DPY19L2: variants seen among roughly 807,000 people sequenced by gnomAD.
DPY19L2 encodes dpy-19 like 2.
Under a neutral mutation model 97.9 loss-of-function variants are expected in DPY19L2, and 34 were observed. The observed-to-expected ratio is 0.35, with a 90% confidence interval of 0.26 to 0.46. DPY19L2 has a LOEUF of 0.46. DPY19L2 is among the 20% of genes least tolerant of loss of function. The pLI is 1.00. For synonymous variants in DPY19L2, 230 were observed against 307.9 expected, an observed-to-expected ratio of 0.75 and a Z score of 2.65; for missense variants, 623 against 911.4, an observed-to-expected ratio of 0.68 and a Z score of 4.07.
Position 63,560,733 on chromosome 12 carries a change from T to C in DPY19L2, c.2127-71A>G, listed in dbSNP as rs1876327921. The C allele has an allele frequency of 2.0e-5, 31 of 1,530,566 alleles. No homozygotes were observed. In the Middle Eastern group the frequency reaches 5.2e-4, roughly 26 times the overall value. The allele number at this position is 1,530,566 out of a possible 1,614,324, so 94.8% of individuals were successfully genotyped here. A position where few individuals can be genotyped will look rare whatever the true frequency, so the allele number is the denominator to read the frequency against. On this transcript the variant is annotated intron_variant, in intron 21 of 21. Transcript: ENST00000324472. The stretch of plus-strand genomic sequence containing the variant: ...GTCTAGAGACAATAGATACATAACA[T>C]CTAGATTTTCAGAGACAAATTTATT...
At chr12:63,618,767 G>A (rs1415884288) in intron 9 of DPY19L2, among the ~76,000 whole-genome samples, 2 of 152,102 alleles carry the variant, frequency 1.3e-5, no homozygotes, top group East Asian at 3.9e-4. Context: ...AGATTTATCA[G>A]TGCTTTTTAC....
At chr12:63,654,943 C>A (rs904396629) in intron 4 of DPY19L2, among the ~76,000 whole-genome samples, 1 of 152,064 alleles carries the variant, frequency 6.6e-6, no homozygotes, top group African/African-American at 2.4e-5. Flanking sequence ...TCAACTAATT[C>A]TTTTAGTTGA....
intron 4 of DPY19L2, among the ~76,000 whole-genome samples, chr12:63,649,461 C>T (rs1217324196): frequency 9.9e-5 from 15 of 151,836 alleles, no homozygotes; most frequent in Non-Finnish European, 1.2e-4. Flanking sequence ...AGAGAGAAGA[C>T]CCAAATAAAC....
chr12:63,632,906 T>C (rs1431970960), intron 6 of DPY19L2, among the ~76,000 whole-genome samples: 1 of 152,040 alleles, frequency 6.6e-6, no homozygotes, highest in East Asian at 1.9e-4. Context: ...TCAGAAATAA[T>C]GCTGCATATC....
chr12:63,644,890 C>T (rs1893195264), intron 5 of DPY19L2, among the ~76,000 whole-genome samples: 1 of 151,998 alleles, frequency 6.6e-6, no homozygotes, highest in Non-Finnish European at 1.5e-5. Context: ...TGTTCAGTGT[C>T]TGGAACTGTC....
At chr12:63,634,162 A>C (rs1293723314) in intron 6 of DPY19L2, among the ~76,000 whole-genome samples, 1 of 152,162 alleles carries the variant, frequency 6.6e-6, no homozygotes, top group Non-Finnish European at 1.5e-5. Context: ...ATGCATACAT[A>C]TGTAACTAAC....
chr12:63,578,137 A>C (rs997122713), intron 19 of DPY19L2, among the ~76,000 whole-genome samples: 1 of 151,892 alleles, frequency 6.6e-6, no homozygotes, highest in Non-Finnish European at 1.5e-5. Context: ...AACCTGTCAT[A>C]AAAAAAGAAT....
chr12:63,618,070 C>T (rs1032652274), intron 10 of DPY19L2, 81 bp downstream of exon 10: 336 of 1,349,736 alleles, frequency 2.5e-4, no homozygotes, highest in African/African-American at 3.6e-4. Context: ...GAGGAGGTAC[C>T]GTATAAAACA....
Position 63,580,645 on chromosome 12 carries a change from A to G in DPY19L2, c.1900+17T>C. The G allele has an allele frequency of 6.3e-7, 1 of 1,588,738 alleles. No individual in the cohort carries two copies. The highest frequency in any genetic ancestry group is 8.5e-7 in the Non-Finnish European group (1 of 1,170,730). ...TATGTTTGTATAAAACTAGCATATA[A>G]CCAAATACCTACACACCTGATGTGG... On this transcript the variant is annotated intron_variant, in intron 19 of 21. Coordinates refer to ENST00000324472, the MANE Select transcript of DPY19L2 (RefSeq NM_173812.5).
intron 18 of DPY19L2, 119 bp from the exon 19 acceptor site, chr12:63,580,955 T>G (rs1435529031): frequency 3.0e-6 from 3 of 1,012,690 alleles, no homozygotes; most frequent in South Asian, 3.6e-5. Flanking sequence ...TCAGCACACA[T>G]GTATACAGAA....
chr12:63,619,961 T>C (rs2137787526), intron 9 of DPY19L2: 2 of 455,968 alleles, frequency 4.4e-6, no homozygotes, highest in Middle Eastern at 6.5e-4. Context: ...GGCCAACTTT[T>C]ATGAAGTTAA....
chr12:63,593,233 G>A (rs1278181046), intron 16 of DPY19L2, among the ~76,000 whole-genome samples: 4 of 152,166 alleles, frequency 2.6e-5, no homozygotes, highest in East Asian at 1.9e-4. Context: ...TCAGTGTGGC[G>A]ATTCCTCAAA....
At chr12:63,628,921 T>C (rs1275857663) in intron 6 of DPY19L2, among the ~76,000 whole-genome samples, 5 of 151,710 alleles carry the variant, frequency 3.3e-5, no homozygotes, top group Admixed American at 3.3e-4. Context: ...TATCCACTGC[T>C]CTGCAGCATC....
chr12:63,594,078 T>TA lies in DPY19L2; in HGVS notation c.1580+8dup, dbSNP rs1367421407. ...CTGTATGTTTTAAAAACAATGATGA[T>TA]ATAATTACCTTAGATAAATGTTTGT... On this transcript the variant is annotated intron_variant, in intron 16 of 21. Transcript: ENST00000324472. 3 of 1,492,240 alleles carry TA rather than the reference T, an allele frequency of 2.0e-6. No homozygotes were observed. In the African/African-American group the frequency reaches 4.2e-5, roughly 21 times the overall value. 92.4% of individuals were successfully genotyped at this position (1,492,240 alleles called of 1,614,324 possible).
chr12:63,600,425 A>G, intron 12 of DPY19L2, 39 bp from the exon 13 acceptor site: 1 of 1,396,542 alleles, frequency 7.2e-7, no homozygotes, highest in Non-Finnish European at 1.0e-6. Context: ...TAAAACTACA[A>G]ATCACCCAGC....
intron 11 of DPY19L2, among the ~76,000 whole-genome samples, chr12:63,613,127 G>A (rs1887281532): frequency 1.3e-5 from 2 of 152,076 alleles, no homozygotes; most frequent in South Asian, 4.1e-4. Context: ...AACTGGAGAA[G>A]AGGGAACACT....
intron 6 of DPY19L2, among the ~76,000 whole-genome samples, chr12:63,628,494 T>A (rs986305374): frequency 4.6e-5 from 7 of 152,006 alleles, no homozygotes; most frequent in Non-Finnish European, 8.8e-5. Flanking sequence ...GAGATCCAAC[T>A]GCAAGGCGGC....
rs1320456265 is a variant in DPY19L2 at position 63,559,820 on chromosome 12, G to A, written c.*692C>T. 1 of 152,052 alleles carries A rather than the reference G, an allele frequency of 6.6e-6. No individual in the cohort carries two copies. The highest frequency in any genetic ancestry group is 2.4e-5 in the African/African-American group (1 of 41,404). 9.4% of individuals were successfully genotyped at this position (152,052 alleles called of 1,614,324 possible). ...AAGAAAAGCCACTGGAATCTAAAGA[G>A]AGATGAATAACCTCTTGAGCTTAGA... is the stretch of plus-strand genomic sequence containing the variant. On this transcript the variant is annotated 3_prime_UTR_variant, in exon 22 of 22. Transcript: ENST00000324472.
At chr12:63,644,635 A>C in intron 5 of DPY19L2, 139 bp from the exon 6 acceptor site, 1 of 1,334,228 alleles carries the variant, frequency 7.5e-7, no homozygotes, top group East Asian at 2.5e-5. Flanking sequence ...GCTGTGTTTA[A>C]TTATTTACCC....
Sources: allele counts gnomAD v4.1 joint callset (sites outside exome capture counted in the v4.1 genomes callset), GRCh38; gene constraint gnomAD v4.1.1; transcripts MANE v1.5; gene names NCBI Gene and HGNC (gene_info 2026-07-23, HGNC 2026-07-21).